Variants in DDHD2 observed in about 807,000 individuals in gnomAD.
DDHD2 encodes DDHD domain containing 2, also known as triacylglycerol hydrolase DDHD2.
In DDHD2, 62 loss-of-function variants were observed where a neutral mutation model predicts 91.2. The ratio of observed to expected loss-of-function variants is 0.68; its 90% CI spans 0.55 to 0.84. The LOEUF (loss-of-function observed/expected upper bound fraction) is 0.84, where lower values mean the gene tolerates loss of function less well. DDHD2 is among the 40% of genes least tolerant of loss of function. The pLI, the probability that DDHD2 is intolerant of heterozygous loss-of-function variation, is 0.00. For synonymous variants in DDHD2, 271 were observed against 293.9 expected, an observed-to-expected ratio of 0.92 and a Z score of 0.80; for missense variants, 740 against 846.9, an observed-to-expected ratio of 0.87 and a Z score of 1.57.
At chr8:38,264,938 A>C, downstream of DDHD2, 1 of 1,609,768 alleles carries the variant, frequency 6.2e-7, no homozygotes, top group Non-Finnish European at 8.5e-7. Flanking sequence ...CATTTTCACC[A>C]TTTAAAGGGT....
At chr8:38,258,199 C>T (rs975904302) in intron 16 of DDHD2, among the ~76,000 whole-genome samples, 1 of 151,806 alleles carries the variant, frequency 6.6e-6, no homozygotes, top group Non-Finnish European at 1.5e-5. Context: ...GTCCTTTTTT[C>T]CCCACGTCTC....
rs764301922 is a variant in DDHD2, at chr8:38,253,111, T to C, written c.1875T>C (p.Thr625=). Residue 625 remains threonine (T), a synonymous_variant, in exon 15 of 18, where the codon ACT becomes ACC. Transcript: ENST00000397166. ...AAACTGAAGCAGAACCTGAATCAACTTCAGAGAAGCCTAGTGGTCAGTGAC... is the reference window on the plus strand; with the variant it reads ...AAACTGAAGCAGAACCTGAATCAACCTCAGAGAAGCCTAGTGGTCAGTGAC... The part of the protein sequence containing the change: ...PEETEAEPES[T]SEKPSDVNTE... 2 of 1,613,804 alleles carry C rather than the reference T, an allele frequency of 1.2e-6. No individual in the cohort carries two copies. The highest frequency in any genetic ancestry group is 1.1e-5 in the South Asian group (1 of 91,022).
intron 17 of DDHD2, 40 bp downstream of exon 17, chr8:38,260,187 A>C: frequency 8.9e-7 from 1 of 1,128,822 alleles, no homozygotes; most frequent in Non-Finnish European, 1.3e-6. Flanking sequence ...TAATTCTTAC[A>C]TATTAACATG....
downstream of DDHD2, chr8:38,264,844 A>G (rs1807333693): frequency 1.3e-6 from 2 of 1,595,672 alleles, no homozygotes; most frequent in East Asian, 2.2e-5. Flanking sequence ...AGTAAGTATA[A>G]TAAGCTTTGT....
chr8:38,265,004 C>G (rs1188117306), downstream of DDHD2: 1 of 1,246,170 alleles, frequency 8.0e-7, no homozygotes, highest in African/African-American at 1.5e-5. Flanking sequence ...CACGGTGACT[C>G]ACGCCTGTAA....
Position 38,238,200 on chromosome 8 carries a change from A to G in DDHD2, c.613A>G (p.Ile205Val), listed in dbSNP as rs777766103. The G allele has an allele frequency of 7.4e-6, 12 of 1,613,824 alleles. No homozygotes were observed. In the African/African-American group the frequency reaches 9.3e-5, roughly 13 times the overall value. ...KRGVENISVD[I>V]HCGEPLQIDH... ...AGGAGTTGAGAACATCTCTGTTGAC[A>G]TTCATTGTGGTAATGTTAATCGTTT... Residue 205 changes from isoleucine to valine, a missense_variant, in exon 5 of 18, where the codon ATT (isoleucine) becomes GTT (valine). Around this residue, in one of 2 missense-constraint regions of DDHD2, gnomAD observed 693 missense variants for 764.2 expected, o/e 0.91. Coordinates refer to ENST00000397166, the MANE Select transcript of DDHD2 (RefSeq NM_015214.3).
At chr8:38,246,717 C>T (rs977179203) in intron 9 of DDHD2, 10 of 169,236 alleles carry the variant, frequency 5.9e-5, no homozygotes, top group African/African-American at 2.2e-4. Flanking sequence ...TGGTGTGTGC[C>T]TGTAATCCCA....
At chr8:38,247,669 CTAAA>C (rs748883561) in intron 9 of DDHD2, 40 bp from the exon 10 acceptor site, 27 of 1,304,878 alleles carry the variant, frequency 2.1e-5, no homozygotes, top group South Asian at 9.8e-5. Flanking sequence ...TTAAAGGAAA[CTAAA>C]TGAATTTCAA....
At chr8:38,246,182 C>G in intron 8 of DDHD2, 51 bp from the exon 9 acceptor site, 12 of 1,337,184 alleles carry the variant, frequency 9.0e-6, no homozygotes, top group Non-Finnish European at 1.3e-5. Flanking sequence ...TAACAGAGAG[C>G]CATTTAGTGC....
chr8:38,268,990 C>A (rs1379016762), intron 1 of DDHD2: 2 of 1,581,058 alleles, frequency 1.3e-6, no homozygotes, highest in East Asian at 2.4e-5. Flanking sequence ...GCTCCGTCAC[C>A]CTAGAGGGGA....
At position 38,261,132 on chromosome 8, in the gene DDHD2, A is replaced by G. The variant is rs1806989134; in HGVS notation, c.*559A>G. On this transcript the variant is annotated 3_prime_UTR_variant, in exon 18 of 18. Coordinates refer to ENST00000397166, the MANE Select transcript of DDHD2 (RefSeq NM_015214.3). Reference sequence around the variant, plus strand: ...TGCATTTCTTTCTTATGTGTAGTGTATGAAGAAAGACTAGAATGTAGCTTT... The same window carrying G: ...TGCATTTCTTTCTTATGTGTAGTGTGTGAAGAAAGACTAGAATGTAGCTTT... 1 of 152,200 alleles carries G rather than the reference A, an allele frequency of 6.6e-6. No homozygotes were observed. The highest frequency in any genetic ancestry group is 1.5e-5 in the Non-Finnish European group (1 of 68,042). The allele number at this position is 152,200 out of a possible 1,614,324, so 9.4% of individuals were successfully genotyped here. A position where few individuals can be genotyped will look rare whatever the true frequency, so the allele number is the denominator to read the frequency against.
chr8:38,269,673 T>C (rs1421815397), intron 1 of DDHD2: 1 of 160,918 alleles, frequency 6.2e-6, no homozygotes, highest in Non-Finnish European at 1.3e-5. Flanking sequence ...TAGCAAAAAA[T>C]TATTGGCAAA....
intron 6 of DDHD2, among the ~76,000 whole-genome samples, chr8:38,241,535 C>T (rs1805258318): frequency 6.6e-6 from 1 of 151,894 alleles, no homozygotes; most frequent in African/African-American, 2.4e-5. Flanking sequence ...ATTATCCTGC[C>T]TCAGCCTCCT....
chr8:38,235,033 C>T (rs1182144903), intron 3 of DDHD2, among the ~76,000 whole-genome samples: 7 of 151,916 alleles, frequency 4.6e-5, no homozygotes, highest in East Asian at 1.9e-4. Flanking sequence ...AATGGTTTGA[C>T]GGTTTGTAAA....
chr8:38,270,291 G>C (rs758309441), intron 1 of DDHD2: 40 of 152,162 alleles, frequency 2.6e-4, no homozygotes, highest in Non-Finnish European at 4.3e-4. Flanking sequence ...ATAAAGTACA[G>C]AAATAACCAA....
intron 3 of DDHD2, among the ~76,000 whole-genome samples, chr8:38,235,230 G>C (rs1038443755): frequency 6.6e-6 from 1 of 151,976 alleles, no homozygotes; most frequent in Non-Finnish European, 1.5e-5. Flanking sequence ...ATTGTAATGG[G>C]AGAGTTGTTC....
At position 38,249,695 on chromosome 8, in the gene DDHD2, T is replaced by A. The variant is rs2130834697; in HGVS notation, c.1249-13T>A. On this transcript the variant is annotated splice_polypyrimidine_tract_variant and intron_variant, in intron 10 of 17. Coordinates refer to ENST00000397166, the MANE Select transcript of DDHD2 (RefSeq NM_015214.3). ...TGTCTAGAAATAAGAAAGACTTGAT[T>A]TTCTATGCCTAGGCTTTATGTACAG... The A allele has an allele frequency of 1.3e-6, 2 of 1,584,654 alleles. No homozygotes were observed. Among genetic ancestry groups the A allele is most frequent in the Non-Finnish European group, 1.7e-6 (2 of 1,159,496 alleles).
At chr8:38,263,782 C>T (rs1585789298), downstream of DDHD2, 1 of 985,272 alleles carries the variant, frequency 1.0e-6, no homozygotes, top group East Asian at 1.1e-4. Flanking sequence ...TGAACTCTAG[C>T]TTCTGAGACA....
At chr8:38,252,412 A>ATGC (rs2130850080) in intron 13 of DDHD2, 125 bp downstream of exon 13, 1 of 1,084,096 alleles carries the variant, frequency 9.2e-7, no homozygotes, top group South Asian at 1.6e-5. Flanking sequence ...ACAACTTATA[A>ATGC]TAGTATTGAT....
Sources: gnomAD v4.1 joint callset for allele counts (sites outside exome capture counted in the v4.1 genomes callset) on GRCh38, gnomAD v4.1.1 for gene constraint, gnomAD v4.1.1 regional missense constraint, MANE v1.5 for transcripts, NCBI Gene and HGNC (gene_info 2026-07-23, HGNC 2026-07-21) for gene names.